The following COL19A1 variants were observed in gnomAD, a reference collection of about 807,000 sequenced individuals.
COL19A1 encodes the protein collagen type XIX alpha 1 chain.
Under a neutral mutation model 190.2 loss-of-function variants are expected in COL19A1, and 159 were observed. The observed-to-expected ratio is 0.84, with a 90% CI of 0.73 to 0.95. COL19A1 has a LOEUF of 0.95. Among genes scored for constraint, COL19A1 ranks in the 40% least tolerant of loss-of-function variants. The probability of loss-of-function intolerance (pLI) is 0.00; values close to 1 mark genes in which losing one functional copy is unlikely to be tolerated. For synonymous variants in COL19A1, 509 were observed against 458.9 expected (o/e 1.11, Z -1.39); for missense variants, 1,418 against 1,431.9 (o/e 0.99, Z 0.16).
chr6:69,948,888 C>T (rs1172449290), intron 9 of COL19A1, among the ~76,000 whole-genome samples: 1 of 151,830 alleles, frequency 6.6e-6, no homozygotes, highest in Non-Finnish European at 1.5e-5. Context: ...CCAAAATCCT[C>T]AGCCCTTGGT....
At chr6:69,973,742 CA>C (rs1478548381) in intron 11 of COL19A1, 1 of 152,094 alleles carries the variant, frequency 6.6e-6, no homozygotes. Context: ...GCTTTATTAA[CA>C]AAAATCTCTT....
intron 10 of COL19A1, among the ~76,000 whole-genome samples, chr6:69,962,502 T>C (rs1011856637): frequency 1.2e-4 from 18 of 152,150 alleles, no homozygotes; most frequent in Non-Finnish European, 2.4e-4. Context: ...CCATGAACTA[T>C]GAGGATGAAT....
At chr6:70,086,538 T>C (rs778934202) in intron 15 of COL19A1, among the ~76,000 whole-genome samples, 113 of 152,186 alleles carry the variant, frequency 7.4e-4, no homozygotes, top group Admixed American at 1.5e-3. Flanking sequence ...TTGTTAATGC[T>C]GTGCTGTGGG....
chr6:69,873,406 C>T (rs1767950253), intron 1 of COL19A1, among the ~76,000 whole-genome samples: 1 of 152,176 alleles, frequency 6.6e-6, no homozygotes, highest in Non-Finnish European at 1.5e-5. Flanking sequence ...ACAACTTTGA[C>T]TTACTGGCAT....
chr6:69,895,420 A>G (rs999433147), intron 2 of COL19A1, among the ~76,000 whole-genome samples: 6 of 152,244 alleles, frequency 3.9e-5, no homozygotes, highest in Admixed American at 3.9e-4. Context: ...TCCTTAGTGC[A>G]GCTAAAGATG....
Position 69,929,567 on chromosome 6 carries a change from T to C in COL19A1, c.533T>C (p.Ile178Thr), listed in dbSNP as rs1206493773. The change falls in exon 6 of 51, where the codon ATA (isoleucine) becomes ACA (threonine). Residue 178 changes from isoleucine (I) to threonine (T), a missense_variant. Transcript: ENST00000620364. ...DRQWHKLGIS[I>T]QSQVISLYMD... is the part of the protein sequence containing the mutation. ...CAGTGGCACAAACTTGGCATTAGTATACAATCCCAGGTCATTTCACTTTAT... is the reference window on the plus strand; with the variant it reads ...CAGTGGCACAAACTTGGCATTAGTACACAATCCCAGGTCATTTCACTTTAT... 6.2e-7 allele frequency: 1 copy of C among 1,613,960 alleles called. No individual in the cohort carries two copies. Among genetic ancestry groups the C allele is most frequent in the Non-Finnish European group, 8.5e-7 (1 of 1,179,984 alleles).
chr6:70,089,976 A>ATT (rs1314188735), intron 15 of COL19A1, among the ~76,000 whole-genome samples: 10 of 152,088 alleles, frequency 6.6e-5, no homozygotes, highest in Non-Finnish European at 1.5e-4. Context: ...GATTAAAAAT[A>ATT]TTTTTTAGCC....
intron 6 of COL19A1, among the ~76,000 whole-genome samples, chr6:69,930,830 A>G (rs1038684422): frequency 6.6e-6 from 1 of 152,068 alleles, no homozygotes; most frequent in Non-Finnish European, 1.5e-5. Context: ...CAAACAAAAG[A>G]ATTGATCCCA....
At chr6:70,045,182 G>T (rs182300030) in intron 14 of COL19A1, among the ~76,000 whole-genome samples, 1 of 151,976 alleles carries the variant, frequency 6.6e-6, no homozygotes, top group Non-Finnish European at 1.5e-5. Flanking sequence ...GCATGGTGGT[G>T]CATGCCTGTA....
chr6:69,910,065 T>A (rs989612140), intron 4 of COL19A1, among the ~76,000 whole-genome samples: 5 of 152,144 alleles, frequency 3.3e-5, no homozygotes, highest in African/African-American at 1.2e-4. Flanking sequence ...TGAAGGGATA[T>A]TTGAAATTTA....
intron 48 of COL19A1, among the ~76,000 whole-genome samples, chr6:70,195,124 TAC>T (rs1163260277): frequency 7.4e-6 from 1 of 135,568 alleles, no homozygotes; most frequent in African/African-American, 2.9e-5. Flanking sequence ...CTGATAAATA[TAC>T]ATCATTGATG....
intron 34 of COL19A1, among the ~76,000 whole-genome samples, chr6:70,159,099 A>T (rs1459295382): frequency 6.6e-6 from 1 of 151,958 alleles, no homozygotes; most frequent in Non-Finnish European, 1.5e-5. Flanking sequence ...ACTATCTAAA[A>T]ACTCACTCAA....
intron 2 of COL19A1, among the ~76,000 whole-genome samples, chr6:69,893,400 C>T (rs1471949349): frequency 9.2e-5 from 14 of 152,010 alleles, no homozygotes; most frequent in Admixed American, 7.9e-4. Flanking sequence ...ACACAATTGA[C>T]AAAAAAGTTT....
intron 18 of COL19A1, among the ~76,000 whole-genome samples, chr6:70,132,410 C>T (rs1582990109): frequency 6.6e-6 from 1 of 152,056 alleles, no homozygotes; most frequent in African/African-American, 2.4e-5. Flanking sequence ...AAACAACCAA[C>T]CAAACACAAA....
At chr6:69,973,784 A>G (rs949580925) in intron 11 of COL19A1, 2 of 152,230 alleles carry the variant, frequency 1.3e-5, no homozygotes, top group African/African-American at 4.8e-5. Flanking sequence ...TGGTAAAAAG[A>G]TAATTAATTC....
intron 12 of COL19A1, among the ~76,000 whole-genome samples, chr6:70,031,224 C>A (rs76436579): frequency 6.6e-6 from 1 of 151,764 alleles, no homozygotes; most frequent in Non-Finnish European, 1.5e-5. Context: ...CAGATCATTG[C>A]GTGGCTGGAT....
intron 15 of COL19A1, among the ~76,000 whole-genome samples, chr6:70,080,686 A>G (rs549383529): frequency 6.6e-6 from 1 of 152,292 alleles, no homozygotes; most frequent in Admixed American, 6.5e-5. Flanking sequence ...TTCACGTTTT[A>G]TGTCTCTGTG....
intron 16 of COL19A1, among the ~76,000 whole-genome samples, chr6:70,115,277 T>C (rs914633582): frequency 6.6e-6 from 1 of 152,240 alleles, no homozygotes; most frequent in African/African-American, 2.4e-5. Flanking sequence ...ATTTTGGACT[T>C]GGTTCTACCA....
intron 4 of COL19A1, among the ~76,000 whole-genome samples, chr6:69,901,254 A>T (rs1245598951): frequency 6.6e-6 from 1 of 152,240 alleles, no homozygotes; most frequent in East Asian, 1.9e-4. Flanking sequence ...ATTGTGGAGA[A>T]TCTCAAAATT....
Sources: allele counts gnomAD v4.1 joint callset (sites outside exome capture counted in the v4.1 genomes callset), GRCh38; gene constraint gnomAD v4.1.1; transcripts MANE v1.5; gene names NCBI Gene and HGNC (gene_info 2026-07-23, HGNC 2026-07-21).